PRKX: variants seen among roughly 807,000 people sequenced by gnomAD.
PRKX encodes cAMP-dependent protein kinase catalytic subunit PRKX.
PRKX carries 12 observed loss-of-function variants against 22.0 expected under a neutral mutation model. The observed-to-expected ratio is 0.54, with a 90% CI of 0.35 to 0.88. PRKX has a LOEUF of 0.88. Among genes scored for constraint, PRKX ranks in the 40% least tolerant of loss-of-function variants. PRKX has a pLI of 0.01. For missense variants in PRKX, 217 were observed against 308.0 expected, an observed-to-expected ratio of 0.70 and a Z score of 2.21; for synonymous variants, 134 against 137.7, an observed-to-expected ratio of 0.97 and a Z score of 0.19.
At chrX:3,698,576 TTGTG>T (rs979339202) in intron 1 of PRKX, among the ~76,000 whole-genome samples, 3 of 111,491 alleles carry the variant, frequency 2.7e-5, no homozygotes, top group South Asian at 7.5e-4. Context: ...TTTTTTGTTT[TTGTG>T]TGTGTGTGTA....
At chrX:3,682,419 G>A (rs1323488454) in intron 1 of PRKX, among the ~76,000 whole-genome samples, 2 of 111,048 alleles carry the variant, frequency 1.8e-5, no homozygotes, top group Non-Finnish European at 1.9e-5. Context: ...CAGGGTCTTT[G>A]CAGATGTGAT....
In PRKX at chrX:3,640,215, CAG is replaced by C. The variant is rs201736571; in HGVS notation, c.719+1635_719+1636del. On this transcript the variant is annotated intron_variant, in intron 4 of 8. Coordinates refer to ENST00000262848, the MANE Select transcript of PRKX (RefSeq NM_005044.5). ...ACAGGAAAAGAGAGAACCTAGGAGG[CAG>C]AGTGTCGGCTGTGGCAAAGCGCGGC... 6.2e-3 allele frequency among the ~76,000 whole-genome samples: 677 copies of C among 109,583 alleles called. 4 individuals are homozygous for C. Among genetic ancestry groups the C allele is most frequent in the African/African-American group, 0.021 (622 of 30,162 alleles).
At chrX:3,612,348 A>G in intron 7 of PRKX, 23 bp from the exon 8 acceptor site, 1 of 1,203,325 alleles carries the variant, frequency 8.3e-7, no homozygotes, top group African/African-American at 1.7e-5. Context: ...GCCGAAGCAC[A>G]AAGGCATGGT....
rs146163339 is a variant in PRKX at position 3,710,296 on chromosome X, A to G, written c.166+2792T>C. On this transcript the variant is annotated intron_variant, in intron 1 of 8. Coordinates refer to ENST00000262848, the MANE Select transcript of PRKX (RefSeq NM_005044.5). ...CCCTTCACGCATAAAAAAGAAAAAA[A>G]GAATCCATTATCAGACTTTTCACAA... is the stretch of plus-strand genomic sequence containing the variant. Among the ~76,000 whole-genome samples, 304 of 112,113 alleles carry G rather than the reference A, an allele frequency of 2.7e-3. 2 individuals carry two copies. The highest frequency in any genetic ancestry group is 8.5e-3 in the African/African-American group (262 of 30,916).
At chrX:3,691,891 T>C (rs1420437838) in intron 1 of PRKX, among the ~76,000 whole-genome samples, 1 of 110,289 alleles carries the variant, frequency 9.1e-6, no homozygotes, top group Non-Finnish European at 1.9e-5. Context: ...GATGGATGGA[T>C]GGATGGACAA....
At chrX:3,622,973 A>C (rs1302011851) in intron 5 of PRKX, among the ~76,000 whole-genome samples, 1 of 111,984 alleles carries the variant, frequency 8.9e-6, no homozygotes, top group Admixed American at 9.5e-5. Context: ...GAGTGCAATT[A>C]TAAGACAGGT....
chrX:3,666,206 G>C (rs1458218243), intron 2 of PRKX, among the ~76,000 whole-genome samples: 2 of 101,816 alleles, frequency 2.0e-5, no homozygotes, highest in Non-Finnish European at 4.0e-5. Context: ...TCAGGCTGGA[G>C]TGCAGTGGTG....
intron 1 of PRKX, among the ~76,000 whole-genome samples, chrX:3,683,763 T>C (rs955168940): frequency 9.0e-6 from 1 of 111,650 alleles, no homozygotes; most frequent in Non-Finnish European, 1.9e-5. Flanking sequence ...TGCCTGAGCC[T>C]GGGAGGTCGA....
chrX:3,689,539 C>T (rs73178158), intron 1 of PRKX, among the ~76,000 whole-genome samples: 213 of 111,245 alleles, frequency 1.9e-3, no homozygotes, highest in Non-Finnish European at 3.0e-3. Flanking sequence ...ATTAGCAGGG[C>T]GTGGTGGTTA....
intron 1 of PRKX, among the ~76,000 whole-genome samples, chrX:3,712,868 C>T (rs1002931475): frequency 1.8e-5 from 2 of 112,545 alleles, no homozygotes; most frequent in Non-Finnish European, 3.8e-5. Context: ...GGTTAGGCAC[C>T]CGGCCGGTCG....
chrX:3,683,441 C>G (rs1381262396), intron 1 of PRKX, among the ~76,000 whole-genome samples: 1 of 110,657 alleles, frequency 9.0e-6, no homozygotes, highest in Non-Finnish European at 1.9e-5. Context: ...ATGTCTGAGC[C>G]TTCCCAGGCC....
intron 1 of PRKX, among the ~76,000 whole-genome samples, chrX:3,679,024 T>A (rs1928019287): frequency 8.9e-6 from 1 of 111,830 alleles, no homozygotes; most frequent in Non-Finnish European, 1.9e-5. Context: ...AGCTAAGTAG[T>A]AGTGTTATGC....
At chrX:3,637,933 T>G (rs949380447) in intron 4 of PRKX, among the ~76,000 whole-genome samples, 1 of 109,705 alleles carries the variant, frequency 9.1e-6, no homozygotes, top group Non-Finnish European at 1.9e-5. Flanking sequence ...GGCTTTTTTT[T>G]GTATGTGTAG....
intron 4 of PRKX, among the ~76,000 whole-genome samples, chrX:3,640,283 G>C (rs1385570611): frequency 2.6e-4 from 29 of 110,528 alleles, no homozygotes; most frequent in Non-Finnish European, 9.5e-5. Flanking sequence ...TCGCTGGCTG[G>C]GCTTCCTCTC....
intron 1 of PRKX, among the ~76,000 whole-genome samples, chrX:3,683,897 A>G (rs914004474): frequency 2.7e-5 from 3 of 111,072 alleles, no homozygotes; most frequent in Admixed American, 9.6e-5. Flanking sequence ...TATTTTAGTC[A>G]TCTGTACATA....
At chrX:3,681,595 G>A (rs1928073628) in intron 1 of PRKX, among the ~76,000 whole-genome samples, 1 of 106,656 alleles carries the variant, frequency 9.4e-6, no homozygotes, top group Non-Finnish European at 2.0e-5. Flanking sequence ...GTTGCAGAGA[G>A]CTGAGATTGC....
intron 2 of PRKX, among the ~76,000 whole-genome samples, chrX:3,665,710 A>G (rs1927709414): frequency 9.1e-6 from 1 of 110,485 alleles, no homozygotes; most frequent in African/African-American, 3.3e-5. Flanking sequence ...AGGACGGGGG[A>G]ATCTGAAGGA....
chrX:3,695,840 A>G (rs1334944183), intron 1 of PRKX, among the ~76,000 whole-genome samples: 1 of 111,849 alleles, frequency 8.9e-6, no homozygotes, highest in Non-Finnish European at 1.9e-5. Flanking sequence ...AGAATGACAC[A>G]TCAGAAAGAG....
intron 1 of PRKX, among the ~76,000 whole-genome samples, chrX:3,701,786 T>A (rs749044480): frequency 1.6e-4 from 18 of 111,589 alleles, no homozygotes; most frequent in Non-Finnish European, 2.4e-4. Flanking sequence ...CAAACCAAGA[T>A]GGTGACAAGA....
Sources: allele counts gnomAD v4.1 joint callset (sites outside exome capture counted in the v4.1 genomes callset), GRCh38; gene constraint gnomAD v4.1.1; transcripts MANE v1.5; gene names NCBI Gene and HGNC (gene_info 2026-07-23, HGNC 2026-07-21).